ARMC1: variants seen among roughly 807,000 people sequenced by gnomAD.
ARMC1 encodes the protein armadillo repeat-containing protein 1.
Under a neutral mutation model 31.4 loss-of-function variants are expected in ARMC1, and 16 were observed. The observed-to-expected ratio is 0.51, with a 90% CI of 0.34 to 0.77. The LOEUF (loss-of-function observed/expected upper bound fraction) is 0.77, where lower values mean the gene tolerates loss of function less well. ARMC1 is among the 30% of genes least tolerant of loss of function. ARMC1 has a pLI of 0.01. For synonymous variants in ARMC1, 114 were observed against 118.9 expected, an observed-to-expected ratio of 0.96 and a Z score of 0.27; for missense variants, 259 against 347.5, an observed-to-expected ratio of 0.75 and a Z score of 2.02.
rs567700561 is a variant in ARMC1, at chr8:65,625,896, T to A, written c.183+1320A>T. On this transcript the variant is annotated intron_variant, in intron 2 of 6. Coordinates refer to ENST00000276569, the MANE Select transcript of ARMC1 (RefSeq NM_018120.6). ...TTAATTTTTTTAACAACTTTTTTTTTTTTTTTTTTGAGACGGAGTTTCACT... is the reference window on the plus strand; with the variant it reads ...TTAATTTTTTTAACAACTTTTTTTTATTTTTTTTTGAGACGGAGTTTCACT... Among the ~76,000 whole-genome samples, 7 of 151,934 alleles carry A rather than the reference T, an allele frequency of 4.6e-5. No individual in the cohort carries two copies. The East Asian group carries it at 1.4e-3, about 29-fold the overall frequency.
intron 4 of ARMC1, among the ~76,000 whole-genome samples, chr8:65,607,333 T>A (rs1452129724): frequency 2.0e-5 from 3 of 152,222 alleles, no homozygotes; most frequent in Non-Finnish European, 2.9e-5. Context: ...GAAGTAAAGC[T>A]CACACAATAT....
In ARMC1 at chr8:65,616,931, G is replaced by A. The variant is rs552304023; in HGVS notation, c.276-3498C>T. Among the ~76,000 whole-genome samples the A allele has an allele frequency of 4.0e-5, 6 of 149,404 alleles. No homozygotes were observed. The East Asian group carries it at 6.1e-4, about 15-fold the overall frequency. ...CGTCTGAGAAGTGAGGAGCCCCTCC[G>A]CCCGGCAGCTGCCCCGTCTGGGAAG... On this transcript the variant is annotated intron_variant, in intron 3 of 6. Transcript: ENST00000276569.
At chr8:65,610,954 G>A (rs1055926378) in intron 4 of ARMC1, among the ~76,000 whole-genome samples, 43 of 148,514 alleles carry the variant, frequency 2.9e-4, no homozygotes, top group African/African-American at 1.0e-3. Flanking sequence ...TTTTTTTTGA[G>A]ATGGAGTTGT....
chr8:65,609,601 T>C (rs1808077513), intron 4 of ARMC1, among the ~76,000 whole-genome samples: 1 of 152,108 alleles, frequency 6.6e-6, no homozygotes, highest in Non-Finnish European at 1.5e-5. Context: ...GCTCAACGCC[T>C]GTAATCCCAA....
chr8:65,606,360 CAAA>C (rs11437403), intron 4 of ARMC1, among the ~76,000 whole-genome samples: 7 of 115,990 alleles, frequency 6.0e-5, no homozygotes, highest in Admixed American at 9.1e-5. Flanking sequence ...GACACCATCT[CAAA>C]AAAAAAAAAA....
intron 2 of ARMC1, among the ~76,000 whole-genome samples, chr8:65,626,121 C>T (rs1330347238): frequency 1.3e-5 from 2 of 152,098 alleles, no homozygotes; most frequent in African/African-American, 4.8e-5. Flanking sequence ...AAACTCCTGA[C>T]CTCAGGTGAT....
chr8:65,631,179 C>A (rs976851253), intron 1 of ARMC1, among the ~76,000 whole-genome samples: 2 of 152,180 alleles, frequency 1.3e-5, no homozygotes, highest in Non-Finnish European at 2.9e-5. Context: ...ATTTTTCTTA[C>A]CTTGATATTC....
At chr8:65,628,624 G>A (rs1250816005) in intron 1 of ARMC1, among the ~76,000 whole-genome samples, 199 of 145,950 alleles carry the variant, frequency 1.4e-3, no homozygotes, top group African/African-American at 4.4e-3. Context: ...TTGGGAGGCC[G>A]AGGCAGGCAG....
intron 4 of ARMC1, among the ~76,000 whole-genome samples, chr8:65,606,029 TGGTCTA>T (rs955791290): frequency 1.3e-5 from 2 of 152,158 alleles, no homozygotes; most frequent in Admixed American, 1.3e-4. Flanking sequence ...GAGACCATCA[TGGTCTA>T]CAAAGCCAAA....
chr8:65,605,579 A>G, intron 4 of ARMC1, 41 bp from the exon 5 acceptor site: 1 of 1,381,840 alleles, frequency 7.2e-7, no homozygotes, highest in Non-Finnish European at 1.0e-6. Context: ...ATAGGTAAAT[A>G]AAAGGTAATA....
chr8:65,624,498 C>CAAAA (rs538324950), intron 2 of ARMC1, among the ~76,000 whole-genome samples: 1 of 95,416 alleles, frequency 1.0e-5, no homozygotes, highest in Admixed American at 1.2e-4. Context: ...GACTCCATCT[C>CAAAA]AAAAAAAAAA....
intron 1 of ARMC1, chr8:65,633,592 AAC>A (rs1808699410): frequency 6.6e-6 from 1 of 152,348 alleles, no homozygotes; most frequent in African/African-American, 2.4e-5. Flanking sequence ...GCCCTCCCAA[AAC>A]ACAGTCTTAA....
At position 65,614,533 on chromosome 8, in the gene ARMC1, A is replaced by G. The variant is rs564873068; in HGVS notation, c.276-1100T>C. Among the ~76,000 whole-genome samples, 402 of 152,340 alleles carry G rather than the reference A, an allele frequency of 2.6e-3. 2 individuals are homozygous for G. Among genetic ancestry groups the G allele is most frequent in the African/African-American group, 9.4e-3 (392 of 41,578 alleles). ...TAGTGGAACTGAACAAAGAGTAAGTACATGTAACTGTAAGAAAAGAATCCT... is the reference window on the plus strand; with the variant it reads ...TAGTGGAACTGAACAAAGAGTAAGTGCATGTAACTGTAAGAAAAGAATCCT... On this transcript the variant is annotated intron_variant, in intron 3 of 6. Coordinates refer to ENST00000276569, the MANE Select transcript of ARMC1 (RefSeq NM_018120.6).
chr8:65,607,782 C>T (rs1808036067), intron 4 of ARMC1, among the ~76,000 whole-genome samples: 1 of 152,152 alleles, frequency 6.6e-6, no homozygotes, highest in African/African-American at 2.4e-5. Context: ...TACAAACTTT[C>T]AGAAACAGGC....
At position 65,604,589 on chromosome 8, in the gene ARMC1, A is replaced by C; in HGVS notation, c.658-4T>G. 6.2e-7 allele frequency: 1 copy of C among 1,610,870 alleles called. No homozygotes were observed. ...TATCTTGGAATGGGACCAACATCTGATACAGAAAATATTGAGAGTTATTAC... is the reference window on the plus strand; with the variant it reads ...TATCTTGGAATGGGACCAACATCTGCTACAGAAAATATTGAGAGTTATTAC... On this transcript the variant is annotated splice_region_variant and splice_polypyrimidine_tract_variant and intron_variant, in intron 6 of 6. Coordinates refer to ENST00000276569, the MANE Select transcript of ARMC1 (RefSeq NM_018120.6).
At chr8:65,616,331 C>G (rs1007479163) in intron 3 of ARMC1, among the ~76,000 whole-genome samples, 13 of 152,192 alleles carry the variant, frequency 8.5e-5, no homozygotes, top group African/African-American at 2.9e-4. Context: ...GAGGGGGTTT[C>G]GCTGTGTTGG....
chr8:65,627,175 C>CA, intron 2 of ARMC1, 41 bp downstream of exon 2: 1 of 1,506,018 alleles, frequency 6.6e-7, no homozygotes, highest in Non-Finnish European at 8.9e-7. Context: ...ACCTTAACTG[C>CA]AAAAATAGAA....
chr8:65,611,911 C>T (rs529175658), intron 4 of ARMC1, among the ~76,000 whole-genome samples: 48 of 151,732 alleles, frequency 3.2e-4, no homozygotes, highest in African/African-American at 8.5e-4. Context: ...GTAGCTGGGA[C>T]TACAGGCGCA....
intron 4 of ARMC1, among the ~76,000 whole-genome samples, chr8:65,609,539 T>A (rs111515367): frequency 6.6e-6 from 1 of 152,296 alleles, no homozygotes; most frequent in African/African-American, 2.4e-5. Flanking sequence ...CCCCATATCC[T>A]GAGCCTAAGC....
Sources: allele counts gnomAD v4.1 joint callset (sites outside exome capture counted in the v4.1 genomes callset), GRCh38; gene constraint gnomAD v4.1.1; transcripts MANE v1.5; gene names NCBI Gene and HGNC (gene_info 2026-07-23, HGNC 2026-07-21).